Variants in HIVEP1 observed in about 807,000 individuals in gnomAD.
The protein encoded by HIVEP1 is HIVEP zinc finger 1.
In HIVEP1, 36 loss-of-function variants were observed where a neutral mutation model predicts 180.0. The observed-to-expected ratio is 0.20, with a 90% CI of 0.15 to 0.26. The LOEUF (loss-of-function observed/expected upper bound fraction) is 0.26, where lower values mean the gene tolerates loss of function less well. HIVEP1 is among the 10% of genes least tolerant of loss of function. The pLI is 1.00. For missense variants in HIVEP1, 3,143 were observed against 3,268.7 expected, an observed-to-expected ratio of 0.96 and a Z score of 0.94; for synonymous variants, 1,239 against 1,239.0, an observed-to-expected ratio of 1.00 and a Z score of 0.00.
chr6:12,183,974 A>AAGATAGAT, the HIVEP1 span, among the ~76,000 whole-genome samples: 2,249 of 134,626 alleles, frequency 0.017, 27 homozygotes, highest in East Asian at 0.027. Flanking sequence ...TCACATTGTA[A>AAGATAGAT]AGATAGATAG....
rs1008746493 is a variant in HIVEP1, at chr6:12,059,617, G to A, written c.41-29567G>A. ...TTGCCACCTACCTGGGGTTCTCCTC[G>A]CCTACTGTGCTGTTTCTAACCATCA... On this transcript the variant is annotated intron_variant, in intron 2 of 8. Coordinates refer to ENST00000379388, the MANE Select transcript of HIVEP1 (RefSeq NM_002114.4). Among the ~76,000 whole-genome samples, 13 of 151,980 alleles carry A rather than the reference G, an allele frequency of 8.6e-5. 1 individual carries two copies. The highest frequency in any genetic ancestry group is 7.2e-4 in the Admixed American group (11 of 15,274).
At chr6:12,011,593 C>T (rs1297383786), upstream of HIVEP1, among the ~76,000 whole-genome samples, 2 of 149,698 alleles carry the variant, frequency 1.3e-5, no homozygotes, top group African/African-American at 2.4e-5. Flanking sequence ...GCTGCGCTGC[C>T]ACCTCCTCCC....
At chr6:12,022,468 C>A (rs936247506) in intron 2 of HIVEP1, among the ~76,000 whole-genome samples, 5 of 152,156 alleles carry the variant, frequency 3.3e-5, no homozygotes, top group African/African-American at 9.7e-5. Context: ...CCGTGCCTGG[C>A]CCATATACAG....
At chr6:12,100,275 G>A (rs1029839662) in intron 3 of HIVEP1, among the ~76,000 whole-genome samples, 3 of 152,160 alleles carry the variant, frequency 2.0e-5, no homozygotes, top group African/African-American at 7.2e-5. Context: ...GCTAGCTGGG[G>A]CAGGCTTAGA....
At chr6:12,036,376 T>C (rs1769277206) in intron 2 of HIVEP1, among the ~76,000 whole-genome samples, 1 of 152,262 alleles carries the variant, frequency 6.6e-6, no homozygotes, top group Admixed American at 6.5e-5. Flanking sequence ...AATCCACGTA[T>C]GTATAGGATA....
chr6:12,146,417 C>T (rs548165270), intron 7 of HIVEP1, among the ~76,000 whole-genome samples: 3 of 152,078 alleles, frequency 2.0e-5, no homozygotes, highest in African/African-American at 4.8e-5. Context: ...CACTCCAGCC[C>T]GGGCAACAAG....
Position 12,121,614 on chromosome 6 carries a change from A to G in HIVEP1, c.1819A>G (p.Asn607Asp). ...GACAAACGTACAGCCACTTTCAGCC[A>G]ACATGTCCCAGGGTGGAGTCTCCAG... ...QVTNVQPLSA[N>D]MSQGGVSRLE... The change falls in exon 4 of 9, where the codon AAC becomes GAC. Residue 607 changes from asparagine to aspartate, a missense_variant. Asn to Asp is a conservative substitution (Grantham distance 23). This residue lies in a region of HIVEP1 where 365 missense variants were observed against 344.4 expected (regional missense o/e 1.06). Transcript: ENST00000379388. This position sits in a 1 kb window ranked among gnomAD's most constrained non-coding sequence, Gnocchi z 5.3. 1 of 1,614,188 alleles carries G rather than the reference A, an allele frequency of 6.2e-7. No individual in the cohort carries two copies. The highest frequency in any genetic ancestry group is 2.2e-5 in the East Asian group (1 of 44,880).
intron 3 of HIVEP1, among the ~76,000 whole-genome samples, chr6:12,103,642 C>T (rs573717703): frequency 7.3e-5 from 11 of 151,714 alleles, no homozygotes; most frequent in East Asian, 5.8e-4. Flanking sequence ...ATTTAATATA[C>T]GTTACTTGAA....
chr6:12,166,652 C>A (rs1488055257), downstream of HIVEP1, among the ~76,000 whole-genome samples: 2 of 152,140 alleles, frequency 1.3e-5, no homozygotes, highest in African/African-American at 4.8e-5. Flanking sequence ...TGCTATTTCT[C>A]CGAAGTCGTC....
chr6:12,194,496 G>C, the HIVEP1 span, among the ~76,000 whole-genome samples: 1 of 152,036 alleles, frequency 6.6e-6, no homozygotes, highest in African/African-American at 2.4e-5. Context: ...AGATTACAAA[G>C]AGCCTACCAC....
chr6:12,082,044 TCTC>T (rs1581647161), intron 2 of HIVEP1, among the ~76,000 whole-genome samples: 1 of 152,140 alleles, frequency 6.6e-6, no homozygotes, highest in African/African-American at 2.4e-5. Flanking sequence ...TACTTTCTGT[TCTC>T]CTTTTTTAAC....
intron 4 of HIVEP1, 77 bp downstream of exon 4, chr6:12,125,947 T>C (rs1369104639): frequency 1.2e-6 from 1 of 802,476 alleles, no homozygotes; most frequent in East Asian, 2.5e-5. Flanking sequence ...TTTAAATATT[T>C]TAACTGGAAA....
chr6:12,169,423 C>T (rs935816823), downstream of HIVEP1, among the ~76,000 whole-genome samples: 14 of 152,170 alleles, frequency 9.2e-5, no homozygotes, highest in Non-Finnish European at 2.1e-4. Flanking sequence ...TCTTCTGAAT[C>T]TGGCTTGGGT....
At chr6:12,029,243 C>G in intron 2 of HIVEP1, among the ~76,000 whole-genome samples, 1 of 152,266 alleles carries the variant, frequency 6.6e-6, no homozygotes, top group Middle Eastern at 3.4e-3. Flanking sequence ...CTTGATATTA[C>G]TATAGAGACT....
chr6:12,037,029 C>T (rs9470821), intron 2 of HIVEP1, among the ~76,000 whole-genome samples: 22,459 of 152,110 alleles, frequency 0.15, 1,715 homozygotes, highest in Admixed American at 0.19. Context: ...TGAATGGAGG[C>T]AACCATGGAA....
chr6:12,145,884 A>G (rs1759347851), intron 7 of HIVEP1, among the ~76,000 whole-genome samples: 1 of 152,182 alleles, frequency 6.6e-6, no homozygotes, highest in Non-Finnish European at 1.5e-5. Flanking sequence ...ACAGTTGTTT[A>G]TTGAATTACT....
chr6:12,058,400 C>T (rs1771008360), intron 2 of HIVEP1, among the ~76,000 whole-genome samples: 2 of 152,150 alleles, frequency 1.3e-5, no homozygotes, highest in South Asian at 4.1e-4. Flanking sequence ...TAGTTCCACT[C>T]CCAAGTTGGC....
At chr6:12,016,804 C>T (rs528191778) in intron 2 of HIVEP1, among the ~76,000 whole-genome samples, 176 of 152,242 alleles carry the variant, frequency 1.2e-3, no homozygotes, top group African/African-American at 3.9e-3. Context: ...TTTGCCCGTC[C>T]CCCTCACTAG....
intron 2 of HIVEP1, among the ~76,000 whole-genome samples, chr6:12,066,886 A>G (rs1329956112): frequency 1.5e-4 from 21 of 137,554 alleles, no homozygotes; most frequent in South Asian, 4.5e-4. Flanking sequence ...GTGTGTGTAT[A>G]TATATATACA....
Sources: gnomAD v4.1 joint callset for allele counts (sites outside exome capture counted in the v4.1 genomes callset) on GRCh38, gnomAD v4.1.1 for gene constraint, gnomAD v4.1.1 regional missense constraint, Gnocchi (gnomAD v3.1) non-coding constraint, MANE v1.5 for transcripts, NCBI Gene and HGNC (gene_info 2026-07-23, HGNC 2026-07-21) for gene names.